ABCA8: variants seen among roughly 807,000 people sequenced by gnomAD.
ABCA8 encodes ABC-type organic anion transporter ABCA8.
Under a neutral mutation model 192.3 loss-of-function variants are expected in ABCA8, and 177 were observed. The observed-to-expected ratio is 0.92, with a 90% CI of 0.81 to 1.04. The LOEUF (loss-of-function observed/expected upper bound fraction) is 1.04, where lower values mean the gene tolerates loss of function less well. Ranked by LOEUF, ABCA8 falls within the 50% of genes least tolerant of loss-of-function variation. ABCA8 has a pLI of 0.00. For missense variants in ABCA8, 1,915 were observed against 1,904.8 expected, an observed-to-expected ratio of 1.01 and a Z score of -0.10; for synonymous variants, 642 against 690.2, an observed-to-expected ratio of 0.93 and a Z score of 1.09.
intron 24 of ABCA8, among the ~76,000 whole-genome samples, chr17:68,888,123 T>A (rs2066538071): frequency 6.7e-6 from 1 of 150,142 alleles, no homozygotes; most frequent in Admixed American, 6.7e-5. Flanking sequence ...AATTGCTTTA[T>A]CCTTTAATTG....
At chr17:68,891,827 A>G (rs2066629930) in intron 23 of ABCA8, among the ~76,000 whole-genome samples, 1 of 152,244 alleles carries the variant, frequency 6.6e-6, no homozygotes, top group African/African-American at 2.4e-5. Flanking sequence ...TTTGGAAAAT[A>G]ATAAGAACAA....
intron 33 of ABCA8, 53 bp downstream of exon 33, chr17:68,877,465 CA>C: frequency 2.7e-6 from 4 of 1,500,060 alleles, no homozygotes; most frequent in Non-Finnish European, 3.6e-6. Context: ...TCATCACTCT[CA>C]ACCTCCTCCA....
chr17:68,871,348 A>T (rs2143193779), intron 37 of ABCA8, among the ~76,000 whole-genome samples: 2 of 152,234 alleles, frequency 1.3e-5, no homozygotes, highest in South Asian at 4.1e-4. Flanking sequence ...TAATCTCTTA[A>T]AGGTCCCACC....
rs144586369 is a variant in ABCA8, at chr17:68,875,270, G to A, written c.4621C>T (p.Arg1541Trp). Residue 1541 changes from arginine (R) to tryptophan (W), a missense_variant, in exon 37 of 40, where the codon CGG becomes TGG. Coordinates refer to ENST00000586539, the MANE Select transcript of ABCA8 (RefSeq NM_001288985.2). Reference sequence around the variant, plus strand: ...AGCAACCATGTTTACCTTTCCTGCCGAGCAGCCTGGGGGAAAAGCCTCAGG... The same window carrying A: ...AGCAACCATGTTTACCTTTCCTGCCAAGCAGCCTGGGGGAAAAGCCTCAGG... ...EILRLFPQAA[R>W]QERYSSLMVY... 231 of 1,613,570 alleles carry A rather than the reference G, an allele frequency of 1.4e-4. No individual in the cohort carries two copies. The highest frequency in any genetic ancestry group is 1.4e-3 in the East Asian group (64 of 44,872).
chr17:68,950,373 C>T (rs1401926640), intron 1 of ABCA8, among the ~76,000 whole-genome samples: 3 of 152,030 alleles, frequency 2.0e-5, no homozygotes, highest in Admixed American at 2.0e-4. Flanking sequence ...AAAAAGAGCC[C>T]GCGTAGCCAA....
At chr17:68,894,648 C>G (rs2066700763) in intron 22 of ABCA8, 1 of 527,194 alleles carries the variant, frequency 1.9e-6, no homozygotes, top group Admixed American at 3.7e-5. Context: ...AATGTTCGAA[C>G]TTATATATAG....
At chr17:68,946,248 A>G (rs1384647359) in intron 2 of ABCA8, among the ~76,000 whole-genome samples, 2 of 151,946 alleles carry the variant, frequency 1.3e-5, no homozygotes, top group Admixed American at 6.6e-5. Context: ...TTGTATTTTT[A>G]GTAGAGATGG....
At chr17:68,922,063 A>G (rs1209145249) in intron 12 of ABCA8, among the ~76,000 whole-genome samples, 179 bp downstream of exon 12, 1 of 151,986 alleles carries the variant, frequency 6.6e-6, no homozygotes, top group Admixed American at 6.5e-5. Flanking sequence ...TACATTAGAA[A>G]AAAAAGTCTT....
chr17:68,932,141 C>T (rs1040901878), intron 7 of ABCA8, 147 bp downstream of exon 7: 2 of 574,014 alleles, frequency 3.5e-6, no homozygotes, highest in African/African-American at 1.9e-5. Context: ...ACCTGTGAGG[C>T]GGAGCTTGCA....
chr17:68,906,570 T>A (rs1450176984), intron 18 of ABCA8, among the ~76,000 whole-genome samples: 1 of 152,140 alleles, frequency 6.6e-6, no homozygotes, highest in African/African-American at 2.4e-5. Flanking sequence ...AGGAAAGGAA[T>A]TAATTTTTTG....
Position 68,907,896 on chromosome 17 carries a change from A to T in ABCA8, c.2139-17T>A, listed in dbSNP as rs1403178938. On this transcript the variant is annotated splice_polypyrimidine_tract_variant and intron_variant, in intron 17 of 39. Coordinates refer to ENST00000586539, the MANE Select transcript of ABCA8 (RefSeq NM_001288985.2). ...AACTGCAAGCTGGCATTCAGAAAAA[A>T]AAAAAAAGACATATGTTACTCGACA... 1.3e-6 allele frequency: 2 copies of T among 1,568,846 alleles called. No individual in the cohort carries two copies. The highest frequency in any genetic ancestry group is 1.7e-6 in the Non-Finnish European group (2 of 1,163,984).
In ABCA8 at chr17:68,917,373, C is replaced by A; in HGVS notation, c.2126G>T (p.Gly709Val). The change falls in exon 17 of 40, where the codon GGA (glycine) becomes GTA (valine). Residue 709 changes from glycine (G) to valine (V), a missense_variant. By Grantham distance (109) the Gly-to-Val change is moderately radical. Transcript: ENST00000586539. ...SLFLKKKWGIGYHLSLQLNEI... is the reference protein window; with the variant it reads ...SLFLKKKWGIVYHLSLQLNEI... ...TAAGTGACCTTACCTTAAGTGATAT[C>A]CAATCCCCCATTTCTTCTTTAGAAA... 2 of 1,610,122 alleles carry A rather than the reference C, an allele frequency of 1.2e-6. No individual in the cohort carries two copies. The highest frequency in any genetic ancestry group is 1.3e-5 in the African/African-American group (1 of 74,834).
intron 21 of ABCA8, among the ~76,000 whole-genome samples, chr17:68,897,282 A>G (rs1288999997): frequency 6.6e-6 from 1 of 152,208 alleles, no homozygotes; most frequent in Non-Finnish European, 1.5e-5. Flanking sequence ...GGAATAATGC[A>G]CATGGCCAAA....
intron 14 of ABCA8, 37 bp from the exon 15 acceptor site, chr17:68,918,583 T>G: frequency 6.9e-7 from 1 of 1,443,602 alleles, no homozygotes; most frequent in Non-Finnish European, 9.0e-7. Context: ...TACACCAAAA[T>G]TTATTCCTTT....
At chr17:68,914,876 C>A (rs1191557432) in intron 17 of ABCA8, among the ~76,000 whole-genome samples, 1 of 123,916 alleles carries the variant, frequency 8.1e-6, no homozygotes, top group Non-Finnish European at 1.7e-5. Flanking sequence ...GGAATCACAT[C>A]ATCGGACTTC....
At position 68,918,537 on chromosome 17, in the gene ABCA8, C is replaced by A. The variant is rs762032809; in HGVS notation, c.1798G>T (p.Val600Phe). 6.9e-5 allele frequency: 103 copies of A among 1,499,422 alleles called. No individual in the cohort carries two copies. Among genetic ancestry groups the A allele is most frequent in the Non-Finnish European group, 8.5e-5 (96 of 1,135,424 alleles). The allele number at this position is 1,499,422 out of a possible 1,614,324, so 92.9% of individuals were successfully genotyped here. The change falls in exon 15 of 40, where the codon GTT becomes TTT. Residue 600 changes from valine (V) to phenylalanine (F), a missense_variant. By Grantham distance (50) the Val-to-Phe change is conservative (BLOSUM62 -1). Transcript: ENST00000586539. ...TTTTTCATTTCCAATTCCAGCAGAA[C>A]CCTTTGTATCTAACCAAAAGACAGT... The part of the protein sequence containing the change: ...PQEVDKEIQR[V>F]LLELEMKNIQ...
intron 28 of ABCA8, 129 bp downstream of exon 28, chr17:68,884,202 A>T: frequency 1.1e-6 from 1 of 929,286 alleles, no homozygotes; most frequent in South Asian, 2.5e-5. Flanking sequence ...TTTTACAAGC[A>T]TTATATCTCC....
chr17:68,943,888 G>C (rs571366226), intron 2 of ABCA8, among the ~76,000 whole-genome samples: 6 of 151,836 alleles, frequency 4.0e-5, no homozygotes, highest in African/African-American at 1.2e-4. Context: ...CAATAGCAAA[G>C]AGTTGGAACC....
At chr17:68,886,335 ATATC>A (rs1370774528) in intron 26 of ABCA8, among the ~76,000 whole-genome samples, 4 of 152,074 alleles carry the variant, frequency 2.6e-5, no homozygotes, top group African/African-American at 9.7e-5. Context: ...TTTTTTGTCT[ATATC>A]TAGGAGAGAT....
Sources: allele counts gnomAD v4.1 joint callset (sites outside exome capture counted in the v4.1 genomes callset), GRCh38; gene constraint gnomAD v4.1.1; transcripts MANE v1.5; gene names NCBI Gene and HGNC (gene_info 2026-07-23, HGNC 2026-07-21).